Variants in PDE1C observed in about 807,000 individuals in gnomAD.
PDE1C encodes the protein phosphodiesterase 1C, also known as dual specificity calcium/calmodulin-dependent 3',5'-cyclic nucleotide phosphodiesterase 1C.
In PDE1C, 62 loss-of-function variants were observed where a neutral mutation model predicts 93.1. That is an observed-to-expected ratio of 0.67 (90% CI 0.54 to 0.82). The LOEUF (loss-of-function observed/expected upper bound fraction) is 0.82, where lower values mean the gene tolerates loss of function less well. Ranked by LOEUF, PDE1C falls within the 40% of genes least tolerant of loss-of-function variation. The probability of loss-of-function intolerance (pLI) is 0.00; values close to 1 mark genes in which losing one functional copy is unlikely to be tolerated. For missense variants in PDE1C, 742 were observed against 884.6 expected (o/e 0.84, Z 2.04); for synonymous variants, 325 against 310.1 (o/e 1.05, Z -0.50).
chr7:32,013,754 T>C (rs1244893319), intron 2 of PDE1C, among the ~76,000 whole-genome samples: 1 of 152,230 alleles, frequency 6.6e-6, no homozygotes, highest in East Asian at 1.9e-4. Context: ...ATTTATTTAT[T>C]GTGGCTAGCA....
chr7:31,724,246 G>A, the PDE1C span, among the ~76,000 whole-genome samples: 2 of 152,112 alleles, frequency 1.3e-5, 1 homozygote, highest in Non-Finnish European at 2.9e-5. Context: ...ATGCTTAGGG[G>A]CATGGAAGTG....
chr7:32,364,579 T>C (rs1375705679), intron 1 of PDE1C, among the ~76,000 whole-genome samples: 1 of 152,182 alleles, frequency 6.6e-6, no homozygotes, highest in Non-Finnish European at 1.5e-5. Context: ...AATCCCACAG[T>C]CCTTGCAAGC....
chr7:31,641,594 T>G, the PDE1C span, among the ~76,000 whole-genome samples: 3 of 152,220 alleles, frequency 2.0e-5, no homozygotes, highest in Admixed American at 6.5e-5. Context: ...TAACATTTCA[T>G]GGATGCTCCT....
chr7:31,926,381 T>A (rs1803382866), intron 2 of PDE1C, among the ~76,000 whole-genome samples: 1 of 152,220 alleles, frequency 6.6e-6, no homozygotes, highest in African/African-American at 2.4e-5. Flanking sequence ...AAGCAGTCAC[T>A]CAATAAATGT....
Position 31,816,057 on chromosome 7 carries a change from T to G in PDE1C, c.1680A>C (p.Ala560=). The change falls in exon 15 of 18, where the codon GCA becomes GCC. Residue 560 remains alanine, a synonymous_variant. Coordinates refer to ENST00000396191, the MANE Select transcript of PDE1C (RefSeq NM_001191057.4). ...ACGTCTTTTTCTCAGCTTTGCCAGA[T>G]GCGCCTTCTTCAGCCTGGCTTTTGG... The part of the protein sequence containing the change: ...MEAKSQAEEG[A]SGKAEKKTSG... 6.2e-7 allele frequency: 1 copy of G among 1,614,074 alleles called. No individual in the cohort carries two copies. Among genetic ancestry groups the G allele is most frequent in the Non-Finnish European group, 8.5e-7 (1 of 1,179,958 alleles).
chr7:31,956,384 A>G (rs998949681), intron 2 of PDE1C, among the ~76,000 whole-genome samples: 2 of 151,600 alleles, frequency 1.3e-5, no homozygotes, highest in Non-Finnish European at 2.9e-5. Flanking sequence ...GAGCCACTGC[A>G]CCCAGCCCCT....
chr7:31,877,384 A>G (rs372475048), intron 5 of PDE1C, among the ~76,000 whole-genome samples: 4 of 152,164 alleles, frequency 2.6e-5, no homozygotes, highest in East Asian at 1.9e-4. Flanking sequence ...CCATGGGAAC[A>G]TTTGGCTCAG....
At chr7:32,186,982 C>T (rs1454527505) in intron 2 of PDE1C, among the ~76,000 whole-genome samples, 4 of 152,144 alleles carry the variant, frequency 2.6e-5, no homozygotes, top group Non-Finnish European at 5.9e-5. Context: ...AAAGTTGATC[C>T]TACCAGAGCT....
chr7:32,065,038 G>T (rs1795217748), intron 1 of PDE1C, among the ~76,000 whole-genome samples: 1 of 80,374 alleles, frequency 1.2e-5, no homozygotes, highest in African/African-American at 5.1e-5. Context: ...AACTACTTCT[G>T]ACGGAACGGC....
Position 31,850,667 on chromosome 7 carries a change from G to A in PDE1C, c.825C>T (p.Thr275=). 6.2e-7 allele frequency: 1 copy of A among 1,613,020 alleles called. No individual in the cohort carries two copies. Residue 275 remains threonine, a synonymous_variant, in exon 8 of 18, where the codon ACC becomes ACT. Transcript: ENST00000396191. ...AAIHDYEHTG[T]TNNFHIQTRS... is the part of the protein sequence containing the mutation. ...GAGTCTGAATGTGGAAATTGTTGGTGGTTCCGGTATGCTCGTAGTCATGGA... is the reference window on the plus strand; with the variant it reads ...GAGTCTGAATGTGGAAATTGTTGGTAGTTCCGGTATGCTCGTAGTCATGGA...
chr7:31,839,208 A>ATATG (rs201434322), intron 9 of PDE1C, among the ~76,000 whole-genome samples: 302 of 144,822 alleles, frequency 2.1e-3, no homozygotes, highest in African/African-American at 7.3e-3. Context: ...ATACATACGT[A>ATATG]TATGTGTGTA....
At chr7:32,288,784 G>A (rs148815176) in intron 1 of PDE1C, among the ~76,000 whole-genome samples, 20 of 152,202 alleles carry the variant, frequency 1.3e-4, no homozygotes, top group Non-Finnish European at 1.2e-4. Flanking sequence ...ATCCTATGGC[G>A]TTAATGTGTG....
rs76873899 is a variant in PDE1C at position 32,359,531 on chromosome 7, G to A, written c.310+68291C>T. On this transcript the variant is annotated intron_variant, in intron 1 of 1. Coordinates refer to the PDE1C transcript ENST00000672256. ...CTCTATGTCTCCAATACCTACAAGA[G>A]TGCCTAGCACACATAGTAAGTGCTC... Among the ~76,000 whole-genome samples the A allele has an allele frequency of 7.6e-3, 1,156 of 152,268 alleles. 14 individuals carry two copies. Among genetic ancestry groups the A allele is most frequent in the African/African-American group, 0.027 (1,103 of 41,554 alleles).
At chr7:32,064,658 C>T (rs1411541449) in intron 1 of PDE1C, among the ~76,000 whole-genome samples, 1 of 151,842 alleles carries the variant, frequency 6.6e-6, no homozygotes, top group Non-Finnish European at 1.5e-5. Context: ...GGATAAAACA[C>T]AAACTTCTAA....
chr7:32,129,295 G>A (rs1799784447), intron 3 of PDE1C, among the ~76,000 whole-genome samples: 1 of 151,640 alleles, frequency 6.6e-6, no homozygotes, highest in South Asian at 2.1e-4. Context: ...AAGATTATCA[G>A]GCAGAGTAAT....
intron 7 of PDE1C, among the ~76,000 whole-genome samples, chr7:31,863,496 A>G (rs1794916030): frequency 6.6e-6 from 1 of 152,174 alleles, no homozygotes; most frequent in South Asian, 2.1e-4. Flanking sequence ...TCACGGAACC[A>G]TCATTCAATA....
chr7:31,945,042 A>G (rs4723119), intron 2 of PDE1C, among the ~76,000 whole-genome samples: 2 of 151,918 alleles, frequency 1.3e-5, no homozygotes, highest in Admixed American at 1.3e-4. Context: ...TTGATTATAC[A>G]TCTTTTTAAA....
chr7:32,041,289 A>G (rs766730564), intron 2 of PDE1C, among the ~76,000 whole-genome samples: 1 of 152,098 alleles, frequency 6.6e-6, no homozygotes, highest in Non-Finnish European at 1.5e-5. Context: ...AGTATGGACA[A>G]CTCCAAACCC....
intron 2 of PDE1C, among the ~76,000 whole-genome samples, chr7:31,943,689 TA>T (rs1390022321): frequency 6.6e-6 from 1 of 152,128 alleles, no homozygotes; most frequent in Non-Finnish European, 1.5e-5. Flanking sequence ...TTCTGTATAC[TA>T]AGGGATCTTC....
Sources: gnomAD v4.1 joint callset for allele counts (sites outside exome capture counted in the v4.1 genomes callset) on GRCh38, gnomAD v4.1.1 for gene constraint, MANE v1.5 for transcripts, NCBI Gene and HGNC (gene_info 2026-07-23, HGNC 2026-07-21) for gene names.